The following SP140 variants were observed in gnomAD, a reference collection of about 807,000 sequenced individuals.
SP140 encodes the protein nuclear body protein SP140.
Under a neutral mutation model 125.0 loss-of-function variants are expected in SP140, and 81 were observed. The ratio of observed to expected loss-of-function variants is 0.65; its 90% CI spans 0.54 to 0.78. The LOEUF (loss-of-function observed/expected upper bound fraction) is 0.78. Ranked by LOEUF, SP140 falls within the 30% of genes least tolerant of loss-of-function variation. The pLI is 0.00. For missense variants in SP140, 858 were observed against 1,037.0 expected (o/e 0.83, Z 2.37); for synonymous variants, 312 against 354.0 (o/e 0.88, Z 1.33).
intron 12 of SP140, among the ~76,000 whole-genome samples, chr2:230,261,517 C>G (rs888911615): frequency 7.9e-5 from 12 of 152,052 alleles, no homozygotes; most frequent in Admixed American, 2.6e-4. Flanking sequence ...GAGTGGGCAT[C>G]CTTGTCTTGT....
chr2:230,250,984 G>A lies in SP140; in HGVS notation c.980G>A (p.Gly327Asp). 1 of 1,613,710 alleles carries A rather than the reference G, an allele frequency of 6.2e-7. No homozygotes were observed. Among genetic ancestry groups the A allele is most frequent in the Non-Finnish European group, 8.5e-7 (1 of 1,179,694 alleles). ...LCLLPGEGEE[G>D]SDDCSEMCDG... is the part of the protein sequence containing the mutation. ...GGGATTTCTTTTCTTTCTGCAGAGG[G>A]CAGTGATGACTGTTCAGAAATGTGT... The change falls in exon 10 of 27, where the codon GGC (glycine) becomes GAC (aspartate). Residue 327 changes from glycine (G) to aspartate (D), a missense_variant. Gly to Asp is a moderately conservative substitution (Grantham distance 94). Around this residue, in one of 4 missense-constraint regions of SP140, gnomAD observed 791 missense variants for 869.5 expected, o/e 0.91. Coordinates refer to ENST00000392045, the MANE Select transcript of SP140 (RefSeq NM_007237.5).
In SP140 at chr2:230,244,939, G is replaced by T. The variant is rs139917983; in HGVS notation, c.572-49G>T. 9.9e-5 allele frequency: 130 copies of T among 1,317,846 alleles called. 1 individual carries two copies. In the African/African-American group the frequency reaches 1.5e-3, roughly 15 times the overall value. The allele number at this position is 1,317,846 out of a possible 1,614,324, so 81.6% of individuals were successfully genotyped here. ...AGTGCTGAACACCAGGATTCAGCAG[G>T]AGCATCCTGAGGTCTGTGCTCTCAT... On this transcript the variant is annotated intron_variant, in intron 5 of 26. Coordinates refer to ENST00000392045, the MANE Select transcript of SP140 (RefSeq NM_007237.5).
chr2:230,266,961 A>T (rs186186467), intron 12 of SP140, among the ~76,000 whole-genome samples: 3 of 152,320 alleles, frequency 2.0e-5, no homozygotes, highest in African/African-American at 4.8e-5. Flanking sequence ...ACATAAGGTA[A>T]TTATGGAAGT....
At chr2:230,304,161 C>CA (rs913216630) in intron 22 of SP140, among the ~76,000 whole-genome samples, 1 of 151,930 alleles carries the variant, frequency 6.6e-6, no homozygotes, top group African/African-American at 2.4e-5. Context: ...ACACTAGCTG[C>CA]AAAAAAATAA....
At chr2:230,297,279 C>A in intron 21 of SP140, 142 bp from the exon 22 acceptor site, 2 of 917,920 alleles carry the variant, frequency 2.2e-6, no homozygotes, top group Non-Finnish European at 3.2e-6. Context: ...GCCACCCCAG[C>A]CTACTGGCCT....
At chr2:230,193,235 A>T in the SP140 span, among the ~76,000 whole-genome samples, 1 of 152,258 alleles carries the variant, frequency 6.6e-6, no homozygotes, top group Non-Finnish European at 1.5e-5. Flanking sequence ...CCTTGAATTT[A>T]TATGGGTCCT....
rs1575272700 is a variant in SP140 at position 230,294,215 on chromosome 2, G to T, written c.1969-56G>T. On this transcript the variant is annotated intron_variant, in intron 20 of 26. Transcript: ENST00000392045. ...ATTTGGGAGGAGGTTGGAAATGCCAGACTCACAAAACGGAAACACAGGCTG... is the reference window on the plus strand; with the variant it reads ...ATTTGGGAGGAGGTTGGAAATGCCATACTCACAAAACGGAAACACAGGCTG... 3 of 1,456,656 alleles carry T rather than the reference G, an allele frequency of 2.1e-6. No individual in the cohort carries two copies. The East Asian group carries it at 6.8e-5, about 33-fold the overall frequency. 90.2% of individuals were successfully genotyped at this position (1,456,656 alleles called of 1,614,324 possible). A position where few individuals can be genotyped will look rare whatever the true frequency, so the allele number is the denominator to read the frequency against.
At chr2:230,291,875 A>G (rs1002128209) in intron 19 of SP140, among the ~76,000 whole-genome samples, 4 of 152,172 alleles carry the variant, frequency 2.6e-5, no homozygotes, top group East Asian at 1.9e-4. Flanking sequence ...CCTACCAGCA[A>G]TGTATGAAGG....
intron 5 of SP140, 112 bp from the exon 6 acceptor site, chr2:230,244,876 G>A: frequency 1.4e-6 from 1 of 704,340 alleles, no homozygotes; most frequent in Non-Finnish European, 2.4e-6. Flanking sequence ...CGAGGTCCTT[G>A]GAGCAATAGT....
chr2:230,238,695 A>C (rs1006787473), intron 3 of SP140: 1 of 1,257,856 alleles, frequency 8.0e-7, no homozygotes, highest in African/African-American at 1.5e-5. Context: ...TTTTCATGGG[A>C]AAGGAGGAAG....
intron 14 of SP140, among the ~76,000 whole-genome samples, 191 bp from the exon 15 acceptor site, chr2:230,270,395 T>C (rs111524882): frequency 0.017 from 2,644 of 152,244 alleles, 100 homozygotes; most frequent in African/African-American, 0.061. Context: ...GTATTTTTGA[T>C]AGAAGACCCA....
At chr2:230,186,268 C>A in the SP140 span, 1 of 883,304 alleles carries the variant, frequency 1.1e-6, no homozygotes, top group Non-Finnish European at 1.7e-6. Context: ...ATCTTTCTTC[C>A]CCCCAGACTC....
intron 21 of SP140, among the ~76,000 whole-genome samples, chr2:230,295,509 T>C (rs549430919): frequency 6.6e-6 from 1 of 152,322 alleles, no homozygotes; most frequent in African/African-American, 2.4e-5. Flanking sequence ...TAACCGACTC[T>C]CCCTCTATTC....
At chr2:230,220,147 T>C in intron 3 of SP140, 1 of 914,724 alleles carries the variant, frequency 1.1e-6, no homozygotes. Context: ...AGTTGGGGTT[T>C]GGGGGAGGGC....
At chr2:230,310,466 G>T (rs1219739515) in intron 23 of SP140, 3 of 697,238 alleles carry the variant, frequency 4.3e-6, no homozygotes, top group Non-Finnish European at 6.9e-6. Context: ...GACAGACAGG[G>T]TTCCCTGTGC....
chr2:230,255,644 G>T, intron 12 of SP140, 112 bp downstream of exon 12: 2 of 903,916 alleles, frequency 2.2e-6, no homozygotes, highest in South Asian at 3.0e-5. Context: ...ACAGTGAAAG[G>T]ATCTAATTAA....
intron 15 of SP140, among the ~76,000 whole-genome samples, chr2:230,283,571 C>T (rs1351427876): frequency 6.6e-6 from 1 of 152,176 alleles, no homozygotes; most frequent in African/African-American, 2.4e-5. Flanking sequence ...CAATCCCCAC[C>T]ACTTTTGTCC....
At chr2:230,245,760 C>T in intron 6 of SP140, 103 bp from the exon 7 acceptor site, 1 of 716,266 alleles carries the variant, frequency 1.4e-6, no homozygotes, top group Non-Finnish European at 2.5e-6. Context: ...TACCTTTATT[C>T]CCAGGGAGCA....
chr2:230,249,486 A>G (rs2050029225), intron 9 of SP140, among the ~76,000 whole-genome samples: 2 of 152,200 alleles, frequency 1.3e-5, no homozygotes, highest in South Asian at 4.1e-4. Context: ...AACCTGGAAG[A>G]AGATAACTTT....
Sources: allele counts gnomAD v4.1 joint callset (sites outside exome capture counted in the v4.1 genomes callset), GRCh38; gene constraint gnomAD v4.1.1; regional missense constraint gnomAD v4.1.1; transcripts MANE v1.5; gene names NCBI Gene and HGNC (gene_info 2026-07-23, HGNC 2026-07-21).